The following ENOX1 variants were observed in gnomAD, a reference collection of about 807,000 sequenced individuals.
ENOX1 encodes the protein ecto-NOX disulfide-thiol exchanger 1.
ENOX1 carries 42 observed loss-of-function variants against 82.5 expected under a neutral mutation model. The ratio of observed to expected loss-of-function variants is 0.51; its 90% CI spans 0.40 to 0.66. ENOX1 has a LOEUF of 0.66. ENOX1 is among the 30% of genes least tolerant of loss of function. ENOX1 has a pLI of 0.00. For synonymous variants in ENOX1, 271 were observed against 282.2 expected (o/e 0.96, Z 0.40); for missense variants, 608 against 811.6 (o/e 0.75, Z 3.05).
At chr13:43,462,396 T>C (rs987437240) in intron 3 of ENOX1, among the ~76,000 whole-genome samples, 2 of 152,216 alleles carry the variant, frequency 1.3e-5, no homozygotes, top group South Asian at 2.1e-4. Context: ...GGTATGCAAC[T>C]CAGGAAGTCA....
intron 5 of ENOX1, among the ~76,000 whole-genome samples, chr13:43,389,649 T>G (rs931595873): frequency 6.6e-6 from 1 of 152,146 alleles, no homozygotes; most frequent in Non-Finnish European, 1.5e-5. Context: ...AGATAGATAT[T>G]ATTGATAGTC....
chr13:43,556,673 T>C (rs2093977674), intron 2 of ENOX1, among the ~76,000 whole-genome samples: 1 of 152,128 alleles, frequency 6.6e-6, no homozygotes, highest in Non-Finnish European at 1.5e-5. Context: ...AGTATCATGC[T>C]TGGGCTTGAT....
intron 1 of ENOX1, among the ~76,000 whole-genome samples, chr13:43,756,423 A>AC (rs1245450413): frequency 2.9e-5 from 4 of 138,268 alleles, no homozygotes; most frequent in Non-Finnish European, 6.2e-5. Context: ...ACAGAGCGAG[A>AC]CCCTGTCACA....
chr13:43,782,495 A>C (rs1238028330), intron 1 of ENOX1, among the ~76,000 whole-genome samples: 1 of 152,190 alleles, frequency 6.6e-6, no homozygotes, highest in Non-Finnish European at 1.5e-5. Flanking sequence ...CAGGCTTCTA[A>C]AACTAGGTTT....
chr13:43,489,859 T>G (rs1375461897), intron 2 of ENOX1, among the ~76,000 whole-genome samples: 1 of 152,236 alleles, frequency 6.6e-6, no homozygotes, highest in Non-Finnish European at 1.5e-5. Flanking sequence ...TTAGACTTAC[T>G]TGGGACCTGT....
chr13:43,693,126 T>A (rs2086455883), intron 1 of ENOX1, among the ~76,000 whole-genome samples: 1 of 152,154 alleles, frequency 6.6e-6, no homozygotes, highest in Non-Finnish European at 1.5e-5. Flanking sequence ...CTTAGAAGGA[T>A]ATTTCTCAAA....
intron 1 of ENOX1, among the ~76,000 whole-genome samples, chr13:43,687,351 G>A (rs935745359): frequency 5.9e-5 from 9 of 152,114 alleles, no homozygotes; most frequent in Non-Finnish European, 8.8e-5. Context: ...CATATTGGAC[G>A]GGGGAATGGA....
Position 43,217,522 on chromosome 13 carries a change from C to A in ENOX1, c.1801-3401G>T, listed in dbSNP as rs143990703. Among the ~76,000 whole-genome samples the A allele has an allele frequency of 1.2e-4, 19 of 152,080 alleles. No homozygotes were observed. In the East Asian group the frequency reaches 3.5e-3, roughly 28 times the overall value. On this transcript the variant is annotated intron_variant, in intron 16 of 16. Transcript: ENST00000690772. ...CGGGACAGAGGTAGCTACCATTTAC[C>A]GAGTCTTCACTGTGGGGCAGGGAAG...
intron 2 of ENOX1, among the ~76,000 whole-genome samples, chr13:43,602,125 T>A (rs1475944865): frequency 1.3e-5 from 2 of 151,590 alleles, no homozygotes; most frequent in African/African-American, 4.8e-5. Context: ...TGTAGAAGAG[T>A]CTTATGTAAG....
intron 2 of ENOX1, among the ~76,000 whole-genome samples, chr13:43,539,570 T>C (rs1020303136): frequency 6.6e-6 from 1 of 152,216 alleles, no homozygotes; most frequent in African/African-American, 2.4e-5. Context: ...TTTTCAATCC[T>C]TTGAAATAAT....
At chr13:43,216,901 T>G (rs1197044788) in intron 16 of ENOX1, among the ~76,000 whole-genome samples, 1 of 152,204 alleles carries the variant, frequency 6.6e-6, no homozygotes, top group Non-Finnish European at 1.5e-5. Flanking sequence ...CAGCTGGCTG[T>G]AAAAAGTGTG....
chr13:43,656,806 T>A, intron 2 of ENOX1, among the ~76,000 whole-genome samples: 1 of 75,488 alleles, frequency 1.3e-5, no homozygotes, highest in East Asian at 2.4e-4. Flanking sequence ...GCCTTTCTAT[T>A]TTTTTTCAGC....
intron 1 of ENOX1, among the ~76,000 whole-genome samples, chr13:43,785,721 C>T (rs1047779279): frequency 7.9e-5 from 12 of 152,172 alleles, no homozygotes; most frequent in African/African-American, 2.9e-4. Context: ...TCCCCATGTG[C>T]TCGCCGCGGG....
At chr13:43,455,361 T>C (rs1234647678) in intron 3 of ENOX1, among the ~76,000 whole-genome samples, 1 of 152,196 alleles carries the variant, frequency 6.6e-6, no homozygotes, top group Non-Finnish European at 1.5e-5. Context: ...TGGAATCTTC[T>C]TTTTAATCCT....
intron 3 of ENOX1, among the ~76,000 whole-genome samples, chr13:43,474,177 C>T (rs951450138): frequency 2.6e-5 from 4 of 152,054 alleles, no homozygotes; most frequent in Non-Finnish European, 5.9e-5. Flanking sequence ...ATTAGATATT[C>T]GTGAAGCAAG....
chr13:43,561,899 G>A (rs979027642), intron 2 of ENOX1, among the ~76,000 whole-genome samples: 7 of 151,632 alleles, frequency 4.6e-5, no homozygotes, highest in African/African-American at 1.7e-4. Context: ...AGGATCACTG[G>A]CTGAGGCTGC....
At chr13:43,353,566 C>A (rs2049950214) in intron 8 of ENOX1, among the ~76,000 whole-genome samples, 1 of 152,218 alleles carries the variant, frequency 6.6e-6, no homozygotes, top group Non-Finnish European at 1.5e-5. Context: ...GTCCTCAGCT[C>A]CTCCTGTCTG....
chr13:43,350,740 C>T (rs941247257), intron 8 of ENOX1, among the ~76,000 whole-genome samples: 18 of 152,138 alleles, frequency 1.2e-4, no homozygotes, highest in African/African-American at 3.6e-4. Context: ...CCACTACGCC[C>T]GGCTGGTGTT....
At chr13:43,524,169 T>C (rs1304506949) in intron 2 of ENOX1, among the ~76,000 whole-genome samples, 1 of 152,160 alleles carries the variant, frequency 6.6e-6, no homozygotes, top group Non-Finnish European at 1.5e-5. Flanking sequence ...TGCCAACTCA[T>C]TGTCTTGATA....
Sources: allele counts gnomAD v4.1 joint callset (sites outside exome capture counted in the v4.1 genomes callset), GRCh38; gene constraint gnomAD v4.1.1; transcripts MANE v1.5; gene names NCBI Gene and HGNC (gene_info 2026-07-23, HGNC 2026-07-21).